PATL2: variants seen among roughly 807,000 people sequenced by gnomAD.
PATL2 encodes the protein PAT1 homolog 2, also known as protein PAT1 homolog 2.
In PATL2, 73 loss-of-function variants were observed where a neutral mutation model predicts 77.0. That is an observed-to-expected ratio of 0.95 (90% CI 0.78 to 1.15). PATL2 has a LOEUF of 1.15. PATL2 is among the 50% of genes most tolerant of loss of function. The pLI is 0.00. For synonymous variants in PATL2, 265 were observed against 257.1 expected, an observed-to-expected ratio of 1.03 and a Z score of -0.29; for missense variants, 618 against 655.4, an observed-to-expected ratio of 0.94 and a Z score of 0.62.
At chr15:44,709,030 T>C (rs1007984086) in intron 3 of PATL2, among the ~76,000 whole-genome samples, 25 of 152,070 alleles carry the variant, frequency 1.6e-4, no homozygotes, top group African/African-American at 5.8e-4. Flanking sequence ...TCCTGAGTAG[T>C]TGGGGTTACA....
intron 9 of PATL2, among the ~76,000 whole-genome samples, chr15:44,670,556 C>T (rs1471709578): frequency 6.6e-6 from 1 of 152,192 alleles, no homozygotes; most frequent in Admixed American, 6.5e-5. Context: ...GCACCTTAGG[C>T]CCTCCTTGCA....
intron 3 of PATL2, among the ~76,000 whole-genome samples, chr15:44,702,609 T>G (rs1241407251): frequency 6.6e-6 from 1 of 152,012 alleles, no homozygotes; most frequent in Non-Finnish European, 1.5e-5. Flanking sequence ...TGTTTTTCTT[T>G]TTTAATGTAG....
At chr15:44,698,835 G>A (rs2086569136) in intron 3 of PATL2, among the ~76,000 whole-genome samples, 2 of 152,118 alleles carry the variant, frequency 1.3e-5, no homozygotes, top group Admixed American at 1.3e-4. Flanking sequence ...CTCCCTAGTG[G>A]CTATACTAAT....
At chr15:44,706,933 T>C (rs1229697927) in intron 3 of PATL2, among the ~76,000 whole-genome samples, 3 of 152,138 alleles carry the variant, frequency 2.0e-5, no homozygotes, top group Non-Finnish European at 2.9e-5. Context: ...TGGTACTCTA[T>C]TGCACTGAGG....
intron 3 of PATL2, among the ~76,000 whole-genome samples, chr15:44,694,603 T>G (rs1175446872): frequency 6.6e-6 from 1 of 152,162 alleles, no homozygotes; most frequent in Admixed American, 6.6e-5. Flanking sequence ...ACATAGCCAC[T>G]TCTTACTGAG....
intron 3 of PATL2, among the ~76,000 whole-genome samples, chr15:44,699,318 T>G (rs2086579024): frequency 6.6e-6 from 1 of 152,134 alleles, no homozygotes; most frequent in South Asian, 2.1e-4. Flanking sequence ...TTTAGCAGTT[T>G]CATAGCTTGA....
Position 44,673,291 on chromosome 15 carries a change from G to A in PATL2, c.390C>T (p.Pro130=). The change falls in exon 7 of 18, where the codon CCC becomes CCT. Residue 130 remains proline, a synonymous_variant. Coordinates refer to ENST00000682850, the MANE Select transcript of PATL2 (RefSeq NM_001387263.1). Reference sequence around the variant, plus strand: ...TGCAGAAGAGAGTTGGGTCTGGTGAGGGCAGCCGAGGTCCAAAGTGCTGTG... The same window carrying A: ...TGCAGAAGAGAGTTGGGTCTGGTGAAGGCAGCCGAGGTCCAAAGTGCTGTG... ...SPAQHFGPRL[P]SPDPTLFCSL... is the part of the protein sequence containing the mutation. 2 of 1,551,666 alleles carry A rather than the reference G, an allele frequency of 1.3e-6. No individual in the cohort carries two copies. The highest frequency in any genetic ancestry group is 1.7e-6 in the Non-Finnish European group (2 of 1,146,966).
At chr15:44,679,323 T>C (rs2086073844) in intron 3 of PATL2, among the ~76,000 whole-genome samples, 1 of 151,812 alleles carries the variant, frequency 6.6e-6, no homozygotes, top group Admixed American at 6.6e-5. Flanking sequence ...CTCTGCCTCC[T>C]GGGATCAAGC....
chr15:44,673,085 G>A, intron 7 of PATL2, 150 bp downstream of exon 7: 2 of 1,091,846 alleles, frequency 1.8e-6, no homozygotes, highest in East Asian at 2.6e-5. Flanking sequence ...ATCTCCCTGG[G>A]GCTAATTTGT....
chr15:44,690,651 T>G (rs1474351427), intron 3 of PATL2, among the ~76,000 whole-genome samples: 2 of 152,136 alleles, frequency 1.3e-5, no homozygotes, highest in Non-Finnish European at 2.9e-5. Flanking sequence ...TATCTGGTAA[T>G]CTTAAATTTA....
intron 3 of PATL2, among the ~76,000 whole-genome samples, chr15:44,700,624 C>T (rs2086607689): frequency 6.6e-6 from 1 of 152,030 alleles, no homozygotes; most frequent in South Asian, 2.1e-4. Context: ...TTGTATCCTC[C>T]AACTTTACTG....
At chr15:44,681,463 G>T (rs180705529) in intron 3 of PATL2, among the ~76,000 whole-genome samples, 24 of 152,204 alleles carry the variant, frequency 1.6e-4, no homozygotes, top group Admixed American at 1.2e-3. Flanking sequence ...GGCTCTTCCA[G>T]TACCTCTTGG....
rs866327063 is a variant in PATL2 at position 44,667,421 on chromosome 15, T to G, written c.1366-218A>C. On this transcript the variant is annotated intron_variant, in intron 15 of 17. Coordinates refer to ENST00000682850, the MANE Select transcript of PATL2 (RefSeq NM_001387263.1). ...TCTGAACTTTTCCAAAAGACACTCT[T>G]GGAGAGCTGATTAAATGCATACTTC... 3 of 532,782 alleles carry G rather than the reference T, an allele frequency of 5.6e-6. No homozygotes were observed. In the African/African-American group the frequency reaches 5.7e-5, roughly 10 times the overall value. 33.0% of individuals were successfully genotyped at this position (532,782 alleles called of 1,614,324 possible).
In PATL2 at chr15:44,669,125, C is replaced by T. The variant is rs1326889147; in HGVS notation, c.1079G>A (p.Gly360Asp). 6.5e-7 allele frequency: 1 copy of T among 1,541,648 alleles called. No homozygotes were observed. The highest frequency in any genetic ancestry group is 8.8e-7 in the Non-Finnish European group (1 of 1,140,960). Reference protein sequence around the residue: ...EQNNLEEAADGFLQVLSVRKG... With the variant: ...EQNNLEEAADDFLQVLSVRKG... ...CCTCACAGAGAGCACCTGCAGGAAG[C>T]CATCTGCTGCCTCTCTGCAAGGGAG... Residue 360 changes from glycine to aspartate, a missense_variant, in exon 14 of 18, where the codon GGC (glycine) becomes GAC (aspartate). Physicochemically the swap from Gly to Asp is moderately conservative, Grantham distance 94 (BLOSUM62 -1). Transcript: ENST00000682850.
intron 3 of PATL2, among the ~76,000 whole-genome samples, chr15:44,687,548 T>C (rs1036540990): frequency 6.6e-6 from 1 of 152,176 alleles, no homozygotes; most frequent in Admixed American, 6.5e-5. Context: ...TATTGGAAGT[T>C]CTGGCCAGGG....
At chr15:44,704,938 G>A (rs1482059966) in intron 3 of PATL2, among the ~76,000 whole-genome samples, 1 of 152,022 alleles carries the variant, frequency 6.6e-6, no homozygotes, top group Non-Finnish European at 1.5e-5. Context: ...AGAGCTCCAT[G>A]GTATGTTATT....
At chr15:44,666,748 G>A (rs1318662417) in intron 16 of PATL2, 1 of 563,688 alleles carries the variant, frequency 1.8e-6, no homozygotes, top group East Asian at 3.1e-5. Context: ...TAAGAACTAT[G>A]AGGGGTTAAT....
intron 3 of PATL2, among the ~76,000 whole-genome samples, chr15:44,679,927 G>A (rs2086095063): frequency 6.6e-6 from 1 of 152,196 alleles, no homozygotes; most frequent in South Asian, 2.1e-4. Context: ...AGAGGATGGA[G>A]CAGTCACCAG....
Position 44,669,439 on chromosome 15 carries a change from A to C in PATL2, c.931-26T>G, listed in dbSNP as rs552196853. 11 of 1,548,562 alleles carry C rather than the reference A, an allele frequency of 7.1e-6. No homozygotes were observed. The African/African-American group carries it at 8.2e-5, about 12-fold the overall frequency. On this transcript the variant is annotated intron_variant, in intron 12 of 17. Coordinates refer to ENST00000682850, the MANE Select transcript of PATL2 (RefSeq NM_001387263.1). Reference sequence around the variant, plus strand: ...CTGGGAATTTGAGGGTGGAAAAAAGAGGTAAATTTGGGTAATATCTCATTC... The same window carrying C: ...CTGGGAATTTGAGGGTGGAAAAAAGCGGTAAATTTGGGTAATATCTCATTC...
Sources: allele counts gnomAD v4.1 joint callset (sites outside exome capture counted in the v4.1 genomes callset), GRCh38; gene constraint gnomAD v4.1.1; transcripts MANE v1.5; gene names NCBI Gene and HGNC (gene_info 2026-07-23, HGNC 2026-07-21).